The following KIDINS220 variants were observed in gnomAD, a reference collection of about 807,000 sequenced individuals.
KIDINS220 encodes kinase D-interacting substrate of 220 kDa.
In KIDINS220, 63 loss-of-function variants were observed where a neutral mutation model predicts 157.6. That is an observed-to-expected ratio of 0.40 (90% confidence interval 0.33 to 0.49). The LOEUF is 0.49. KIDINS220 is among the 20% of genes least tolerant of loss of function. The pLI, the probability that KIDINS220 is intolerant of heterozygous loss-of-function variation, is 0.66. For synonymous variants in KIDINS220, 732 were observed against 783.6 expected (o/e 0.93, Z 1.10); for missense variants, 1,772 against 2,171.2 (o/e 0.82, Z 3.65).
intron 17 of KIDINS220, among the ~76,000 whole-genome samples, chr2:8,783,782 C>A (rs1672023687): frequency 6.6e-6 from 1 of 151,982 alleles, no homozygotes; most frequent in Non-Finnish European, 1.5e-5. Flanking sequence ...ATGAGAAAAA[C>A]CACAAAACTC....
intron 17 of KIDINS220, among the ~76,000 whole-genome samples, chr2:8,782,810 A>C (rs1671885368): frequency 6.6e-6 from 1 of 152,234 alleles, no homozygotes; most frequent in South Asian, 2.1e-4. Flanking sequence ...AAAATGTATA[A>C]AAAGAATTAT....
At chr2:8,796,620 A>ACT in intron 11 of KIDINS220, 151 bp downstream of exon 11, 1 of 690,340 alleles carries the variant, frequency 1.4e-6, no homozygotes, top group Non-Finnish European at 2.6e-6. Flanking sequence ...TCAGCACACT[A>ACT]CTGTGTGGGA....
At chr2:8,812,070 A>G (rs376770118) in intron 6 of KIDINS220, among the ~76,000 whole-genome samples, 1 of 152,188 alleles carries the variant, frequency 6.6e-6, no homozygotes, top group Admixed American at 6.5e-5. Flanking sequence ...TCTCTCACAC[A>G]ACAATACAGA....
chr2:8,747,254 A>C, intron 25 of KIDINS220, 53 bp from the exon 26 acceptor site: 1 of 1,453,300 alleles, frequency 6.9e-7, no homozygotes, highest in Non-Finnish European at 9.7e-7. Context: ...GGGGAGCCAA[A>C]CTGTGAAGAC....
chr2:8,744,398 T>TA (rs1666226877), intron 26 of KIDINS220, among the ~76,000 whole-genome samples: 1 of 24,166 alleles, frequency 4.1e-5, no homozygotes, highest in African/African-American at 2.0e-4. Flanking sequence ...AATATATATA[T>TA]ATAATATATA....
At position 8,832,883 on chromosome 2, in the gene KIDINS220, C is replaced by CT. The variant is rs553390214; in HGVS notation, c.-37+4596dup. 3.6e-4 allele frequency among the ~76,000 whole-genome samples: 54 copies of CT among 148,308 alleles called. No individual in the cohort carries two copies. The East Asian group carries it at 6.1e-3, about 17-fold the overall frequency. On this transcript the variant is annotated intron_variant, in intron 1 of 29. Transcript: ENST00000256707. ...CCATTATATCATCCCAGGCTAGTTT[C>CT]TTTTTTTTTTCCTTAATTTTTTTAA...
At chr2:8,837,166 A>C (rs1341552313) in intron 1 of KIDINS220, among the ~76,000 whole-genome samples, 1 of 152,092 alleles carries the variant, frequency 6.6e-6, no homozygotes, top group Non-Finnish European at 1.5e-5. Flanking sequence ...AAAAGAAAAA[A>C]AACGGTTTTA....
intron 6 of KIDINS220, among the ~76,000 whole-genome samples, chr2:8,809,827 C>T (rs752600321): frequency 1.3e-5 from 2 of 152,048 alleles, no homozygotes; most frequent in South Asian, 2.1e-4. Flanking sequence ...TACTATTAAA[C>T]GTTAATTTTT....
At position 8,791,053 on chromosome 2, in the gene KIDINS220, C is replaced by T. The variant is rs1419244967; in HGVS notation, c.1441+7G>A. ...ATATACAGACTTTGTACAAGCAAGC[C>T]CTTTACCTTCTAGTTTCTTGAGTAA... On this transcript the variant is annotated splice_region_variant and intron_variant, in intron 13 of 29. Coordinates refer to ENST00000256707, the MANE Select transcript of KIDINS220 (RefSeq NM_020738.4). The T allele has an allele frequency of 1.2e-6, 2 of 1,611,340 alleles. No individual in the cohort carries two copies. Among genetic ancestry groups the T allele is most frequent in the Admixed American group, 3.4e-5 (2 of 59,612 alleles).
In KIDINS220 at chr2:8,791,071, T is replaced by C. The variant is rs745403251; in HGVS notation, c.1430A>G (p.Lys477Arg). 1 of 1,612,980 alleles carries C rather than the reference T, an allele frequency of 6.2e-7. No individual in the cohort carries two copies. The highest frequency in any genetic ancestry group is 8.5e-7 in the Non-Finnish European group (1 of 1,179,464). The change falls in exon 13 of 30, where the codon AAG (lysine) becomes AGG (arginine). Residue 477 changes from lysine to arginine, a missense_variant. Coordinates refer to ENST00000256707, the MANE Select transcript of KIDINS220 (RefSeq NM_020738.4). ...AGCAAGCCCTTTACCTTCTAGTTTC[T>C]TGAGTAAGAAAGATTTCCCACTTCC... ...QWGSGKSFLL[K>R]KLEDEMKTFA...
In KIDINS220 at chr2:8,817,645, A is replaced by G. The variant is rs1677266969; in HGVS notation, c.279T>C (p.Cys93=). 5.6e-6 allele frequency: 9 copies of G among 1,606,026 alleles called. No individual in the cohort carries two copies. Among genetic ancestry groups the G allele is most frequent in the Non-Finnish European group, 7.7e-6 (9 of 1,175,392 alleles). The part of the protein sequence containing the change: ...HVHIVEELLK[C]GVNLEHRDMG... ...TATCACGGTGCTCCAAGTTAACCCC[A>G]CATTTCAGTAGTTCCTCTACGATGT... Residue 93 remains cysteine, a synonymous_variant, in exon 4 of 30, where the codon TGT becomes TGC. Transcript: ENST00000256707.
intron 26 of KIDINS220, among the ~76,000 whole-genome samples, chr2:8,746,096 T>C (rs555953583): frequency 8.7e-5 from 13 of 149,834 alleles, no homozygotes; most frequent in African/African-American, 1.3e-4. Flanking sequence ...CGAAGTCTTA[T>C]ACAGTAATTT....
chr2:8,818,094 C>T (rs1022236174), intron 3 of KIDINS220, among the ~76,000 whole-genome samples: 1 of 152,178 alleles, frequency 6.6e-6, no homozygotes, highest in East Asian at 1.9e-4. Context: ...AAAGCACATT[C>T]ACAGGTTAGC....
intron 20 of KIDINS220, 149 bp from the exon 21 acceptor site, chr2:8,777,041 G>C: frequency 1.3e-6 from 1 of 784,998 alleles, no homozygotes; most frequent in Non-Finnish European, 2.0e-6. Context: ...ATTATTATCT[G>C]TGAGGTAGAA....
At chr2:8,742,924 A>G (rs755540841) in intron 26 of KIDINS220, among the ~76,000 whole-genome samples, 9 of 152,366 alleles carry the variant, frequency 5.9e-5, no homozygotes, top group Non-Finnish European at 1.3e-4. Context: ...GTGCTTTTCA[A>G]TGAAACACAG....
At chr2:8,808,548 CA>C (rs1036327011) in intron 6 of KIDINS220, among the ~76,000 whole-genome samples, 31 of 152,344 alleles carry the variant, frequency 2.0e-4, no homozygotes, top group African/African-American at 6.5e-4. Context: ...TCCTGACATC[CA>C]GCAAGACCTT....
chr2:8,780,813 G>C (rs949496586), intron 17 of KIDINS220, among the ~76,000 whole-genome samples: 1 of 151,410 alleles, frequency 6.6e-6, no homozygotes, highest in African/African-American at 2.4e-5. Flanking sequence ...TGAGAAAATG[G>C]AATCATAAAA....
chr2:8,819,797 C>A (rs932443729), intron 2 of KIDINS220, among the ~76,000 whole-genome samples: 1 of 151,920 alleles, frequency 6.6e-6, no homozygotes, highest in Admixed American at 6.6e-5. Flanking sequence ...TGCACTCCAG[C>A]CTGGGTGACA....
chr2:8,766,522 T>C (rs916994074), intron 22 of KIDINS220, among the ~76,000 whole-genome samples: 8 of 152,182 alleles, frequency 5.3e-5, no homozygotes, highest in Non-Finnish European at 8.8e-5. Flanking sequence ...TACCCATCAC[T>C]CTCTGACAGA....
Sources: allele counts gnomAD v4.1 joint callset (sites outside exome capture counted in the v4.1 genomes callset), GRCh38; gene constraint gnomAD v4.1.1; transcripts MANE v1.5; gene names NCBI Gene and HGNC (gene_info 2026-07-23, HGNC 2026-07-21).